The following AVEN variants were observed in gnomAD, a reference collection of about 807,000 sequenced individuals.
AVEN encodes the protein apoptosis and caspase activation inhibitor, also known as cell death regulator Aven.
Under a neutral mutation model 38.1 loss-of-function variants are expected in AVEN, and 41 were observed. That is an observed-to-expected ratio of 1.08 (90% CI 0.84 to 1.40). The LOEUF (loss-of-function observed/expected upper bound fraction) is 1.40, where lower values mean the gene tolerates loss of function less well. AVEN is among the 40% of genes most tolerant of loss of function. The pLI, the probability that AVEN is intolerant of heterozygous loss-of-function variation, is 0.00. For missense variants in AVEN, 605 were observed against 438.8 expected (o/e 1.38, Z -3.38); for synonymous variants, 206 against 171.8 (o/e 1.20, Z -1.56).
intron 2 of AVEN, among the ~76,000 whole-genome samples, chr15:33,948,480 T>C (rs1197812499): frequency 6.6e-6 from 1 of 152,094 alleles, no homozygotes; most frequent in Non-Finnish European, 1.5e-5. Flanking sequence ...AGCATAAAAA[T>C]AAAGTAACAA....
Position 33,961,442 on chromosome 15 carries a change from C to T in AVEN, c.445+41590G>A, listed in dbSNP as rs564005708. On this transcript the variant is annotated intron_variant, in intron 2 of 5. Transcript: ENST00000306730. The stretch of plus-strand genomic sequence containing the variant: ...TTAAGGTTCTACTGTTCTAACGTAT[C>T]GACTTTTAACTAGTTACAAGATCTG... Among the ~76,000 whole-genome samples the T allele has an allele frequency of 3.3e-5, 5 of 152,210 alleles. No individual in the cohort carries two copies. The South Asian group carries it at 8.3e-4, about 25-fold the overall frequency.
At chr15:34,068,758 T>C (rs1197426682) in intron 2 of AVEN, among the ~76,000 whole-genome samples, 1 of 152,020 alleles carries the variant, frequency 6.6e-6, no homozygotes, top group Non-Finnish European at 1.5e-5. Context: ...TTAATCTGTC[T>C]ACAGCTTTTC....
Position 34,038,806 on chromosome 15 carries a change from C to T in AVEN, c.241G>A (p.Gly81Ser). 1 of 1,193,168 alleles carries T rather than the reference C, an allele frequency of 8.4e-7. No individual in the cohort carries two copies. The highest frequency in any genetic ancestry group is 1.0e-6 in the Non-Finnish European group (1 of 962,562). 73.9% of individuals were successfully genotyped at this position (1,193,168 alleles called of 1,614,324 possible). ...APRGSRREPG[G>S]WGAGASAPVE... ...GGCGCGCTGGCCCCTGCGCCCCAGC[C>T]TCCCGGCTCCCGGCGGCTGCCTCGC... Residue 81 changes from glycine (G) to serine (S), a missense_variant, in exon 1 of 6, where the codon GGC (glycine) becomes AGC (serine). Coordinates refer to ENST00000306730, the MANE Select transcript of AVEN (RefSeq NM_020371.3).
chr15:33,918,769 T>G (rs1893268026), intron 2 of AVEN, among the ~76,000 whole-genome samples: 1 of 152,078 alleles, frequency 6.6e-6, no homozygotes, highest in African/African-American at 2.4e-5. Context: ...GCATCCTTTT[T>G]GTAATTAAAC....
intron 1 of AVEN, chr15:34,007,178 C>A: frequency 2.6e-6 from 1 of 386,774 alleles, no homozygotes; most frequent in Non-Finnish European, 3.5e-6. Context: ...ACACACAAAT[C>A]CATTTAAAAC....
intron 2 of AVEN, among the ~76,000 whole-genome samples, chr15:33,993,046 A>G (rs1896793878): frequency 6.6e-6 from 1 of 152,242 alleles, no homozygotes; most frequent in African/African-American, 2.4e-5. Context: ...ATATTGATCC[A>G]GTGCATTCTG....
intron 5 of AVEN, among the ~76,000 whole-genome samples, chr15:34,046,343 G>GGAA (rs1555520151): frequency 7.1e-6 from 1 of 141,434 alleles, no homozygotes; most frequent in Non-Finnish European, 1.5e-5. Context: ...AGTGAGGCAG[G>GGAA]AAAAAAAAAA....
At chr15:34,054,106 T>A (rs887260495) in intron 5 of AVEN, among the ~76,000 whole-genome samples, 2 of 151,448 alleles carry the variant, frequency 1.3e-5, no homozygotes, top group Non-Finnish European at 2.9e-5. Context: ...ATTAGAGAAA[T>A]GCAAATCAAA....
In AVEN at chr15:34,003,187, T is replaced by C. The variant is rs1897206065; in HGVS notation, c.290A>G (p.Glu97Gly). The change falls in exon 2 of 6, where the codon GAG (glutamate) becomes GGG (glycine). Residue 97 changes from glutamate to glycine, a missense_variant. Transcript: ENST00000306730. Reference sequence around the variant, plus strand: ...TTCATCATTCTCTTCTCCATAGGTCTCTGCATCGCTGTCATCTTCAACCTG... The same window carrying C: ...TTCATCATTCTCTTCTCCATAGGTCCCTGCATCGCTGTCATCTTCAACCTG... ...SAPVEDDSDAETYGEENDEQG... is the reference protein window; with the variant it reads ...SAPVEDDSDAGTYGEENDEQG... 6.2e-7 allele frequency: 1 copy of C among 1,613,604 alleles called. No homozygotes were observed. Among genetic ancestry groups the C allele is most frequent in the Non-Finnish European group, 8.5e-7 (1 of 1,179,850 alleles).
chr15:33,857,690 C>A (rs376368067), downstream of AVEN: 50 of 1,532,828 alleles, frequency 3.3e-5, no homozygotes, highest in East Asian at 5.6e-4. Flanking sequence ...CGTCCTCACT[C>A]TTCCTCCTCG....
chr15:34,073,983 C>CT (rs1567498505), intron 1 of AVEN, among the ~76,000 whole-genome samples: 6 of 20,816 alleles, frequency 2.9e-4, no homozygotes, highest in African/African-American at 6.0e-4. Context: ...CTTTTTTCTT[C>CT]TTCTTCTTTT....
At chr15:33,996,919 G>A (rs1249787403) in intron 2 of AVEN, among the ~76,000 whole-genome samples, 1 of 152,178 alleles carries the variant, frequency 6.6e-6, no homozygotes, top group Non-Finnish European at 1.5e-5. Flanking sequence ...CCAGCTAAAG[G>A]AGGCTGTTCG....
At chr15:34,004,369 C>G (rs1477039569) in intron 1 of AVEN, among the ~76,000 whole-genome samples, 1 of 151,874 alleles carries the variant, frequency 6.6e-6, no homozygotes, top group Admixed American at 6.6e-5. Context: ...AATAAATAAA[C>G]TGAAAGAGAA....
intron 2 of AVEN, among the ~76,000 whole-genome samples, chr15:33,956,955 T>G (rs939875368): frequency 2.0e-5 from 3 of 152,122 alleles, no homozygotes; most frequent in Non-Finnish European, 4.4e-5. Flanking sequence ...GAGTTTTTTT[T>G]GGGTTTTTTG....
intron 2 of AVEN, among the ~76,000 whole-genome samples, chr15:33,903,419 C>T (rs556877364): frequency 6.6e-6 from 1 of 152,304 alleles, no homozygotes; most frequent in South Asian, 2.1e-4. Flanking sequence ...CTGGGCGCTC[C>T]CAGAGAGGTT....
intron 5 of AVEN, 141 bp downstream of exon 5, chr15:33,867,354 G>C: frequency 8.2e-7 from 1 of 1,223,338 alleles, no homozygotes; most frequent in Non-Finnish European, 1.1e-6. Flanking sequence ...GCAGAGACGT[G>C]AGCACAGAAA....
At chr15:34,042,443 C>G (rs989117946), upstream of AVEN, among the ~76,000 whole-genome samples, 24 of 149,112 alleles carry the variant, frequency 1.6e-4, no homozygotes, top group Non-Finnish European at 7.4e-5. Flanking sequence ...ACTTGTTGCC[C>G]AGGCTGGAGT....
At chr15:33,952,999 G>C (rs116660119) in intron 2 of AVEN, among the ~76,000 whole-genome samples, 1 of 151,906 alleles carries the variant, frequency 6.6e-6, no homozygotes, top group Non-Finnish European at 1.5e-5. Flanking sequence ...ACCAATAACA[G>C]ACAAGAGAGC....
upstream of AVEN, among the ~76,000 whole-genome samples, chr15:34,043,203 C>T (rs1360019537): frequency 2.6e-5 from 4 of 150,978 alleles, no homozygotes; most frequent in Admixed American, 6.6e-5. Flanking sequence ...GCCGAGATCA[C>T]ACCACTGCAC....
Sources: gnomAD v4.1 joint callset for allele counts (sites outside exome capture counted in the v4.1 genomes callset) on GRCh38, gnomAD v4.1.1 for gene constraint, MANE v1.5 for transcripts, NCBI Gene and HGNC (gene_info 2026-07-23, HGNC 2026-07-21) for gene names.